MARCHF1: variants seen among roughly 807,000 people sequenced by gnomAD.
MARCHF1 encodes membrane associated ring-CH-type finger 1.
Under a neutral mutation model 54.2 loss-of-function variants are expected in MARCHF1, and 40 were observed. The ratio of observed to expected loss-of-function variants is 0.74; its 90% confidence interval spans 0.57 to 0.96. The LOEUF (loss-of-function observed/expected upper bound fraction) is 0.96. Among genes scored for constraint, MARCHF1 ranks in the 40% least tolerant of loss-of-function variants. The probability of loss-of-function intolerance (pLI) is 0.00; values close to 1 mark genes in which losing one functional copy is unlikely to be tolerated. For synonymous variants in MARCHF1, 236 were observed against 236.3 expected, an observed-to-expected ratio of 1.00 and a Z score of 0.01; for missense variants, 586 against 656.5, an observed-to-expected ratio of 0.89 and a Z score of 1.17.
intron 1 of MARCHF1, among the ~76,000 whole-genome samples, chr4:164,267,648 C>G (rs1376848382): frequency 6.6e-6 from 1 of 152,120 alleles, no homozygotes; most frequent in Non-Finnish European, 1.5e-5. Context: ...CATATTGAGA[C>G]ACACTGAAAG....
At chr4:163,929,995 A>G (rs1264901543) in intron 3 of MARCHF1, among the ~76,000 whole-genome samples, 4 of 104,328 alleles carry the variant, frequency 3.8e-5, no homozygotes, top group African/African-American at 1.4e-4. Flanking sequence ...TATATATAAT[A>G]TATTATATAT....
chr4:163,742,046 A>G (rs938067749), intron 4 of MARCHF1, among the ~76,000 whole-genome samples: 1 of 152,192 alleles, frequency 6.6e-6, no homozygotes, highest in Non-Finnish European at 1.5e-5. Context: ...AAAGTAGTAC[A>G]GTAGCATATG....
At chr4:163,980,208 C>T (rs1430236851) in intron 3 of MARCHF1, among the ~76,000 whole-genome samples, 11 of 138,708 alleles carry the variant, frequency 7.9e-5, no homozygotes, top group Admixed American at 2.3e-4. Flanking sequence ...TCAGAAATAA[C>T]GCCGCATACC....
At chr4:164,229,253 G>A (rs1003636493) in intron 1 of MARCHF1, among the ~76,000 whole-genome samples, 3 of 152,194 alleles carry the variant, frequency 2.0e-5, no homozygotes, top group African/African-American at 7.2e-5. Flanking sequence ...AATAGGATAA[G>A]GTGGAAATGC....
chr4:164,229,911 C>T (rs943120523), intron 1 of MARCHF1, among the ~76,000 whole-genome samples: 6 of 152,144 alleles, frequency 3.9e-5, no homozygotes, highest in African/African-American at 4.8e-5. Flanking sequence ...CCAATCACCC[C>T]GCACTAAACC....
chr4:163,756,953 A>C (rs1254471191), intron 4 of MARCHF1, among the ~76,000 whole-genome samples: 1 of 152,214 alleles, frequency 6.6e-6, no homozygotes, highest in Non-Finnish European at 1.5e-5. Flanking sequence ...ATTTCTTCAG[A>C]AACTAATTGG....
intron 4 of MARCHF1, among the ~76,000 whole-genome samples, chr4:163,776,404 CATTTA>C (rs1304939121): frequency 6.6e-6 from 1 of 151,130 alleles, no homozygotes; most frequent in Non-Finnish European, 1.5e-5. Context: ...ATACATATAT[CATTTA>C]ATTTGTTGTT....
chr4:164,140,154 G>GGCACACACACACTCATGC, intron 1 of MARCHF1, among the ~76,000 whole-genome samples: 1 of 150,180 alleles, frequency 6.7e-6, no homozygotes, highest in South Asian at 2.1e-4. Flanking sequence ...AAGATACATA[G>GGCACACACACACTCATGC]GCACACACAC....
chr4:163,695,578 T>A (rs1744602369), intron 5 of MARCHF1, among the ~76,000 whole-genome samples: 1 of 152,180 alleles, frequency 6.6e-6, no homozygotes. Flanking sequence ...TAGGAAATGA[T>A]GGAAACTAAC....
intron 1 of MARCHF1, among the ~76,000 whole-genome samples, chr4:164,302,823 C>G (rs370635932): frequency 7.2e-6 from 1 of 138,642 alleles, no homozygotes; most frequent in East Asian, 2.3e-4. Context: ...GAACCGAGAT[C>G]ATGTCACTGC....
intron 4 of MARCHF1, among the ~76,000 whole-genome samples, chr4:163,763,609 G>A (rs980386909): frequency 4.0e-5 from 6 of 151,864 alleles, no homozygotes; most frequent in Non-Finnish European, 7.4e-5. Context: ...CCCCCCTTAC[G>A]AACTTCTAAG....
intron 2 of MARCHF1, among the ~76,000 whole-genome samples, chr4:164,043,450 G>T (rs1338541632): frequency 2.0e-5 from 3 of 152,154 alleles, no homozygotes; most frequent in South Asian, 2.1e-4. Flanking sequence ...AGCTGGAGCT[G>T]GAGCAGCTGT....
chr4:163,898,347 A>C (rs1024337022), intron 3 of MARCHF1, among the ~76,000 whole-genome samples: 6 of 152,250 alleles, frequency 3.9e-5, no homozygotes, highest in Middle Eastern at 3.4e-3. Context: ...AAAAAAGCAA[A>C]CACCACCACT....
chr4:164,158,455 A>T (rs1730135149), intron 1 of MARCHF1, among the ~76,000 whole-genome samples: 2 of 152,082 alleles, frequency 1.3e-5, no homozygotes, highest in East Asian at 3.9e-4. Flanking sequence ...AGCCTGACCA[A>T]TACGATGAAA....
At chr4:164,080,979 C>T (rs1396403867) in intron 2 of MARCHF1, among the ~76,000 whole-genome samples, 1 of 150,386 alleles carries the variant, frequency 6.6e-6, no homozygotes. Flanking sequence ...GAGGCCGAGG[C>T]GGGTGGATCA....
intron 1 of MARCHF1, among the ~76,000 whole-genome samples, chr4:164,360,337 G>A (rs1233570526): frequency 1.3e-5 from 2 of 152,114 alleles, no homozygotes; most frequent in Admixed American, 6.6e-5. Context: ...TGAAGAAGGG[G>A]AATTCTAGGT....
In MARCHF1 at chr4:163,618,820, G is replaced by A. The variant is rs111713000; in HGVS notation, c.163-5427C>T. On this transcript the variant is annotated intron_variant, in intron 5 of 9. Coordinates refer to ENST00000514618, the MANE Select transcript of MARCHF1 (RefSeq NM_001394959.1). The stretch of plus-strand genomic sequence containing the variant: ...GCTTCTTGTTTAGTGGAGAGATTTA[G>A]ATGAACTGGCAATTTTAATACAGTC... 3.9e-4 allele frequency among the ~76,000 whole-genome samples: 60 copies of A among 152,306 alleles called. 1 individual carries two copies. The highest frequency in any genetic ancestry group is 1.4e-3 in the African/African-American group (58 of 41,576).
At chr4:164,038,747 C>T (rs762522069) in intron 2 of MARCHF1, among the ~76,000 whole-genome samples, 2 of 152,138 alleles carry the variant, frequency 1.3e-5, no homozygotes, top group Middle Eastern at 3.2e-3. Context: ...CTCCATCCTA[C>T]GTCTAGAAAA....
intron 5 of MARCHF1, among the ~76,000 whole-genome samples, chr4:163,696,623 A>G (rs1193052430): frequency 1.3e-5 from 2 of 152,144 alleles, no homozygotes; most frequent in African/African-American, 4.8e-5. Flanking sequence ...GCATTCTATT[A>G]TTTAAAGTTC....
Sources: allele counts gnomAD v4.1 joint callset (sites outside exome capture counted in the v4.1 genomes callset), GRCh38; gene constraint gnomAD v4.1.1; transcripts MANE v1.5; gene names NCBI Gene and HGNC (gene_info 2026-07-23, HGNC 2026-07-21).